The following PACRG variants were observed in gnomAD, a reference collection of about 807,000 sequenced individuals.
PACRG encodes parkin coregulated, also known as parkin coregulated gene protein.
A neutral mutation model predicts 29.7 loss-of-function variants in PACRG; 29 were observed. That is an observed-to-expected ratio of 0.98 (90% CI 0.73 to 1.33). The LOEUF (loss-of-function observed/expected upper bound fraction) is 1.33. PACRG is among the 40% of genes most tolerant of loss of function. The probability of loss-of-function intolerance (pLI) is 0.00; values close to 1 mark genes in which losing one functional copy is unlikely to be tolerated. For missense variants in PACRG, 279 were observed against 316.2 expected (o/e 0.88, Z 0.89); for synonymous variants, 116 against 118.7 (o/e 0.98, Z 0.15).
chr6:163,216,372 G>A (rs2128157219), intron 4 of PACRG, among the ~76,000 whole-genome samples: 1 of 152,278 alleles, frequency 6.6e-6, no homozygotes, highest in African/African-American at 2.4e-5. Context: ...ACAAAAACCT[G>A]GTGGAGGATG....
chr6:163,178,817 T>G (rs1235804255), intron 4 of PACRG, among the ~76,000 whole-genome samples: 1 of 152,156 alleles, frequency 6.6e-6, no homozygotes, highest in Admixed American at 6.5e-5. Flanking sequence ...AGGTACAGTA[T>G]CTGGCATTCT....
chr6:163,246,215 T>A (rs1782692318), intron 4 of PACRG, among the ~76,000 whole-genome samples: 1 of 152,214 alleles, frequency 6.6e-6, no homozygotes, highest in South Asian at 2.1e-4. Flanking sequence ...TCACCCTATG[T>A]ATCTCCCTGA....
chr6:163,235,896 G>C (rs750152688), intron 4 of PACRG, among the ~76,000 whole-genome samples: 10 of 151,340 alleles, frequency 6.6e-5, no homozygotes, highest in Non-Finnish European at 1.5e-4. Flanking sequence ...GCTTTGGTTT[G>C]GTAACAACTA....
At chr6:163,304,485 C>T (rs1215960247) in intron 4 of PACRG, among the ~76,000 whole-genome samples, 4 of 152,138 alleles carry the variant, frequency 2.6e-5, no homozygotes, top group African/African-American at 9.7e-5. Context: ...TTTCCCCCCA[C>T]GAGGTGGTAG....
intron 4 of PACRG, among the ~76,000 whole-genome samples, chr6:163,131,578 T>A (rs569851941): frequency 6.6e-6 from 1 of 152,232 alleles, no homozygotes; most frequent in African/African-American, 2.4e-5. Context: ...GAGACACTTG[T>A]TTTTAGTCAC....
intron 4 of PACRG, among the ~76,000 whole-genome samples, chr6:163,142,634 GA>G (rs1471743017): frequency 1.3e-5 from 2 of 152,260 alleles, no homozygotes; most frequent in East Asian, 3.9e-4. Context: ...GCAAAAGACA[GA>G]AAATATATGA....
At chr6:163,063,269 C>T (rs555484860) in intron 3 of PACRG, among the ~76,000 whole-genome samples, 2 of 152,302 alleles carry the variant, frequency 1.3e-5, no homozygotes, top group East Asian at 3.9e-4. Context: ...GGCACTTTCA[C>T]CCCCTGGATC....
At chr6:163,022,796 T>C (rs558460898) in intron 2 of PACRG, among the ~76,000 whole-genome samples, 1 of 152,362 alleles carries the variant, frequency 6.6e-6, no homozygotes, top group African/African-American at 2.4e-5. Context: ...TGGATCATGA[T>C]TTATTTATAA....
chr6:163,191,768 G>A (rs777811497), intron 4 of PACRG: 5 of 456,266 alleles, frequency 1.1e-5, no homozygotes, highest in South Asian at 4.6e-5. Context: ...CTGCCCCCAG[G>A]TTGTCCAGGA....
chr6:163,140,218 C>T (rs1397250368), intron 4 of PACRG, among the ~76,000 whole-genome samples: 1 of 152,184 alleles, frequency 6.6e-6, no homozygotes, highest in Non-Finnish European at 1.5e-5. Flanking sequence ...GGAAGTCAGA[C>T]CTGGGCTCAG....
chr6:162,738,182 A>C (rs1286102731), intron 1 of PACRG, among the ~76,000 whole-genome samples: 2 of 152,224 alleles, frequency 1.3e-5, no homozygotes, highest in African/African-American at 4.8e-5. Flanking sequence ...CTAAATATGC[A>C]TAATGAATAT....
At chr6:163,196,388 T>C (rs1780454095) in intron 4 of PACRG, among the ~76,000 whole-genome samples, 1 of 152,234 alleles carries the variant, frequency 6.6e-6, no homozygotes, top group Admixed American at 6.5e-5. Flanking sequence ...TCTCCTGTCC[T>C]AGGGCTACTG....
chr6:162,848,301 C>A (rs113255470), intron 2 of PACRG, among the ~76,000 whole-genome samples: 85 of 152,286 alleles, frequency 5.6e-4, no homozygotes, highest in African/African-American at 2.0e-3. Context: ...GAAATGTGTC[C>A]TTCAGCTTTA....
intron 4 of PACRG, chr6:163,190,935 A>G (rs1287052845): frequency 2.2e-6 from 1 of 456,254 alleles, no homozygotes; most frequent in Non-Finnish European, 4.4e-6. Context: ...CATGCAGACC[A>G]CTTGTCACCC....
At chr6:162,919,312 C>T (rs1013994938) in intron 2 of PACRG, among the ~76,000 whole-genome samples, 1 of 152,076 alleles carries the variant, frequency 6.6e-6, no homozygotes, top group Non-Finnish European at 1.5e-5. Flanking sequence ...TACAAAGAGA[C>T]AGTATGGGAT....
intron 2 of PACRG, among the ~76,000 whole-genome samples, chr6:162,863,337 T>C (rs1387271656): frequency 6.6e-6 from 1 of 152,250 alleles, no homozygotes; most frequent in East Asian, 1.9e-4. Flanking sequence ...AGCGCAGTGA[T>C]TGATGTATAA....
At chr6:162,778,686 C>T (rs1387406649) in intron 1 of PACRG, among the ~76,000 whole-genome samples, 1 of 152,150 alleles carries the variant, frequency 6.6e-6, no homozygotes. Flanking sequence ...CAACAAAAAG[C>T]ATTTCCTTGC....
intron 4 of PACRG, among the ~76,000 whole-genome samples, chr6:163,131,263 A>G (rs1309725591): frequency 3.8e-4 from 4 of 10,404 alleles, no homozygotes; most frequent in Non-Finnish European, 8.6e-4. Flanking sequence ...AGCCCAGATC[A>G]CGCCACTGCA....
intron 2 of PACRG, among the ~76,000 whole-genome samples, chr6:162,899,674 C>A (rs774794167): frequency 1.3e-5 from 2 of 152,100 alleles, no homozygotes; most frequent in African/African-American, 2.4e-5. Context: ...ACTGAGAAGA[C>A]AATATGCAGA....
Sources: allele counts gnomAD v4.1 joint callset (sites outside exome capture counted in the v4.1 genomes callset), GRCh38; gene constraint gnomAD v4.1.1; transcripts MANE v1.5; gene names NCBI Gene and HGNC (gene_info 2026-07-23, HGNC 2026-07-21).